The following RBMS3 variants were observed in gnomAD, a reference collection of about 807,000 sequenced individuals.
RBMS3 encodes RNA binding motif single stranded interacting protein 3, also known as RNA-binding motif, single-stranded-interacting protein 3.
In RBMS3, 27 loss-of-function variants were observed where a neutral mutation model predicts 66.8. The ratio of observed to expected loss-of-function variants is 0.40; its 90% CI spans 0.30 to 0.56. The LOEUF is 0.56. Among genes scored for constraint, RBMS3 ranks in the 20% least tolerant of loss-of-function variants. The pLI, the probability that RBMS3 is intolerant of heterozygous loss-of-function variation, is 0.40. For missense variants in RBMS3, 513 were observed against 549.5 expected (o/e 0.93, Z 0.66); for synonymous variants, 188 against 183.0 (o/e 1.03, Z -0.22).
intron 10 of RBMS3, 91 bp from the exon 11 acceptor site, chr3:29,935,995 G>A: frequency 9.5e-7 from 1 of 1,056,316 alleles, no homozygotes; most frequent in Non-Finnish European, 1.4e-6. Context: ...AACATTTGAT[G>A]TTCACACATT....
At chr3:29,313,397 G>A (rs185387848) in intron 1 of RBMS3, among the ~76,000 whole-genome samples, 9 of 151,758 alleles carry the variant, frequency 5.9e-5, no homozygotes, top group Non-Finnish European at 8.9e-5. Flanking sequence ...AACTACATTT[G>A]CCAAGAGTCA....
rs114807274 is a variant in RBMS3 at position 29,353,948 on chromosome 3, A to G, written c.75+72192A>G. On this transcript the variant is annotated intron_variant, in intron 1 of 14. Coordinates refer to ENST00000383767, the MANE Select transcript of RBMS3 (RefSeq NM_001003793.3). ...GCATTTGAACTCTACAGCATTTGAA[A>G]TCACATTGGCTGACACGAATTAGTA... 1.9e-3 allele frequency among the ~76,000 whole-genome samples: 289 copies of G among 152,222 alleles called. 1 individual carries two copies. The highest frequency in any genetic ancestry group is 6.7e-3 in the African/African-American group (280 of 41,582).
chr3:29,863,594 A>G (rs2059271090), intron 6 of RBMS3, among the ~76,000 whole-genome samples: 1 of 152,170 alleles, frequency 6.6e-6, no homozygotes, highest in Non-Finnish European at 1.5e-5. Context: ...CCCAAATATC[A>G]GGGTGGCTAA....
At chr3:29,403,683 G>GA (rs201088290) in intron 1 of RBMS3, among the ~76,000 whole-genome samples, 27 of 151,526 alleles carry the variant, frequency 1.8e-4, no homozygotes, top group African/African-American at 6.3e-4. Context: ...TAAAGTTGGA[G>GA]AAAAAAAACA....
In RBMS3 at chr3:29,300,779, G is replaced by A. The variant is rs1159830467; in HGVS notation, c.75+19023G>A. Among the ~76,000 whole-genome samples the A allele has an allele frequency of 3.3e-5, 5 of 151,942 alleles. No individual in the cohort carries two copies. The East Asian group carries it at 5.8e-4, about 18-fold the overall frequency. On this transcript the variant is annotated intron_variant, in intron 1 of 14. Transcript: ENST00000383767. Reference sequence around the variant, plus strand: ...TGATAAGAAATTAAGAGGAAACCAAGCAAAGAAGTAAGGATTTTGATGCAA... The same window carrying A: ...TGATAAGAAATTAAGAGGAAACCAAACAAAGAAGTAAGGATTTTGATGCAA...
intron 4 of RBMS3, among the ~76,000 whole-genome samples, chr3:29,592,996 T>C (rs902681773): frequency 2.1e-5 from 2 of 94,796 alleles, no homozygotes; most frequent in Non-Finnish European, 3.8e-5. Context: ...CATCACACAC[T>C]GGGGCCTGTC....
intron 1 of RBMS3, among the ~76,000 whole-genome samples, chr3:29,417,182 C>G (rs2040513822): frequency 6.6e-6 from 1 of 151,834 alleles, no homozygotes; most frequent in South Asian, 2.1e-4. Context: ...TGTTCTTCAG[C>G]TTTTTAATAT....
At chr3:29,442,018 G>A (rs1373942349) in intron 2 of RBMS3, among the ~76,000 whole-genome samples, 1 of 152,122 alleles carries the variant, frequency 6.6e-6, no homozygotes, top group East Asian at 1.9e-4. Context: ...GGATAATAAA[G>A]CCCTGGAATA....
At chr3:29,663,308 C>G (rs750085410) in intron 4 of RBMS3, among the ~76,000 whole-genome samples, 1 of 152,156 alleles carries the variant, frequency 6.6e-6, no homozygotes, top group African/African-American at 2.4e-5. Flanking sequence ...GGTCAATAAC[C>G]TCTAAAATTC....
At chr3:29,289,728 G>T (rs1320099329) in intron 1 of RBMS3, among the ~76,000 whole-genome samples, 1 of 151,746 alleles carries the variant, frequency 6.6e-6, no homozygotes, top group South Asian at 2.1e-4. Flanking sequence ...GGAAAGTAAG[G>T]TATAATAGGA....
intron 1 of RBMS3, among the ~76,000 whole-genome samples, chr3:29,433,236 T>TA: frequency 6.6e-6 from 1 of 152,274 alleles, no homozygotes; most frequent in Non-Finnish European, 1.5e-5. Context: ...TCTGAATACT[T>TA]ACTTGCTAAT....
intron 1 of RBMS3, among the ~76,000 whole-genome samples, chr3:29,406,498 T>C (rs1294934550): frequency 6.6e-6 from 1 of 152,204 alleles, no homozygotes; most frequent in East Asian, 1.9e-4. Context: ...TGAAAGGTGG[T>C]CTGGCTCATT....
chr3:29,874,746 T>G (rs1206501547), intron 7 of RBMS3, among the ~76,000 whole-genome samples: 1 of 152,116 alleles, frequency 6.6e-6, no homozygotes, highest in Non-Finnish European at 1.5e-5. Flanking sequence ...AAACCTTTTT[T>G]TTGGCACAAG....
intron 4 of RBMS3, among the ~76,000 whole-genome samples, chr3:29,675,123 A>T (rs1438976190): frequency 6.6e-6 from 1 of 152,142 alleles, no homozygotes; most frequent in Admixed American, 6.5e-5. Flanking sequence ...ATAATACCAC[A>T]CATCTACAAC....
At chr3:29,866,819 AT>A (rs2059375153) in intron 6 of RBMS3, among the ~76,000 whole-genome samples, 1 of 152,132 alleles carries the variant, frequency 6.6e-6, no homozygotes, top group South Asian at 2.1e-4. Flanking sequence ...CTCTTGTGTG[AT>A]TTTCCTGGCT....
At chr3:29,965,101 T>G (rs1391910383) in intron 12 of RBMS3, among the ~76,000 whole-genome samples, 1 of 152,196 alleles carries the variant, frequency 6.6e-6, no homozygotes, top group Non-Finnish European at 1.5e-5. Context: ...TACCACAGTT[T>G]TTTTATCCGC....
rs749839563 is a variant in RBMS3, at chr3:29,648,263, A to ATTT, written c.399+61078_399+61080dup. ...AACATAGGGAAAATAGAAAATGTCT[A>ATTT]TTTTTTTTTTTTTTTTTTTTTTGCG... On this transcript the variant is annotated intron_variant, in intron 4 of 14. Coordinates refer to ENST00000383767, the MANE Select transcript of RBMS3 (RefSeq NM_001003793.3). Among the ~76,000 whole-genome samples the ATTT allele has an allele frequency of 3.9e-3, 301 of 77,606 alleles. 13 individuals are homozygous for ATTT. Among genetic ancestry groups the ATTT allele is most frequent in the Middle Eastern group, 0.019 (2 of 104 alleles). The allele number at this position is 77,606 out of a possible 152,430, so 50.9% of individuals were successfully genotyped here.
At chr3:29,739,207 A>G (rs2054513547) in intron 4 of RBMS3, among the ~76,000 whole-genome samples, 1 of 152,182 alleles carries the variant, frequency 6.6e-6, no homozygotes, top group Non-Finnish European at 1.5e-5. Flanking sequence ...TAATCCCAGC[A>G]CTTTGGGAGG....
intron 2 of RBMS3, among the ~76,000 whole-genome samples, chr3:29,477,432 CTG>C (rs2042983873): frequency 1.4e-5 from 2 of 147,202 alleles, no homozygotes; most frequent in South Asian, 4.3e-4. Context: ...GTATTGATCC[CTG>C]TGTGTAGGGT....
Sources: gnomAD v4.1 joint callset for allele counts (sites outside exome capture counted in the v4.1 genomes callset) on GRCh38, gnomAD v4.1.1 for gene constraint, MANE v1.5 for transcripts, NCBI Gene and HGNC (gene_info 2026-07-23, HGNC 2026-07-21) for gene names.